Variants in PPARGC1A observed in about 807,000 individuals in gnomAD.
PPARGC1A encodes peroxisome proliferator-activated receptor gamma coactivator 1-alpha.
PPARGC1A carries 25 observed loss-of-function variants against 88.7 expected under a neutral mutation model. That is an observed-to-expected ratio of 0.28 (90% CI 0.21 to 0.39). The LOEUF (loss-of-function observed/expected upper bound fraction) is 0.39. PPARGC1A is among the 10% of genes least tolerant of loss of function. The pLI is 1.00. For missense variants in PPARGC1A, 880 were observed against 968.7 expected (o/e 0.91, Z 1.22); for synonymous variants, 363 against 355.6 (o/e 1.02, Z -0.24).
chr4:24,339,872 G>A, the PPARGC1A span, among the ~76,000 whole-genome samples: 1 of 151,870 alleles, frequency 6.6e-6, no homozygotes, highest in African/African-American at 2.4e-5. Context: ...CCGAGTAGCT[G>A]GGACTACAGG....
chr4:24,182,881 T>A, the PPARGC1A span, among the ~76,000 whole-genome samples: 1 of 152,176 alleles, frequency 6.6e-6, no homozygotes. Context: ...TATTTATGAA[T>A]GCCTACAACA....
chr4:23,980,390 C>A, the PPARGC1A span, among the ~76,000 whole-genome samples: 1 of 152,082 alleles, frequency 6.6e-6, no homozygotes, highest in African/African-American at 2.4e-5. Context: ...TTAATTCCTG[C>A]TTTCCCCTAG....
At chr4:23,825,375 T>A (rs776780717) in intron 5 of PPARGC1A, 1 of 152,120 alleles carries the variant, frequency 6.6e-6, no homozygotes, top group Non-Finnish European at 1.5e-5. Context: ...TTTATGTCAA[T>A]TTTTTCTCAT....
At chr4:24,320,731 A>G in the PPARGC1A span, among the ~76,000 whole-genome samples, 1 of 152,208 alleles carries the variant, frequency 6.6e-6, no homozygotes, top group East Asian at 1.9e-4. Flanking sequence ...CAAAAGCTTT[A>G]CATAAAAACA....
the PPARGC1A span, among the ~76,000 whole-genome samples, chr4:24,388,270 A>T: frequency 1.3e-5 from 2 of 152,242 alleles, no homozygotes; most frequent in Admixed American, 6.5e-5. Context: ...CCATAATAAG[A>T]TACCATCTCA....
intron 2 of PPARGC1A, among the ~76,000 whole-genome samples, chr4:23,836,572 A>C (rs1726053650): frequency 6.6e-6 from 1 of 152,230 alleles, no homozygotes; most frequent in Admixed American, 6.5e-5. Context: ...TGTCGTTAAT[A>C]AATGATAGTT....
chr4:23,905,132 G>A (rs1250843184), upstream of PPARGC1A, among the ~76,000 whole-genome samples: 1 of 152,154 alleles, frequency 6.6e-6, no homozygotes, highest in Admixed American at 6.5e-5. Flanking sequence ...AGTATGTAAA[G>A]AGCAGCTTCC....
At chr4:24,220,837 TA>T in the PPARGC1A span, among the ~76,000 whole-genome samples, 1 of 152,214 alleles carries the variant, frequency 6.6e-6, no homozygotes, top group Non-Finnish European at 1.5e-5. Flanking sequence ...TATACCCATT[TA>T]ACAAACCTTC....
At chr4:24,043,470 G>A in the PPARGC1A span, among the ~76,000 whole-genome samples, 1 of 152,046 alleles carries the variant, frequency 6.6e-6, no homozygotes, top group East Asian at 1.9e-4. Context: ...TGGGTTCCAG[G>A]TGAATTACAT....
chr4:23,993,162 A>C, the PPARGC1A span, among the ~76,000 whole-genome samples: 62 of 152,288 alleles, frequency 4.1e-4, no homozygotes, highest in Admixed American at 4.0e-3. Context: ...GCTATATTCT[A>C]TGTCACCTCA....
chr4:23,887,865 G>A (rs1717169298), intron 1 of PPARGC1A, among the ~76,000 whole-genome samples: 1 of 151,960 alleles, frequency 6.6e-6, no homozygotes, highest in South Asian at 2.1e-4. Context: ...GGAGAGAGGG[G>A]CAGTAAAGAA....
the PPARGC1A span, among the ~76,000 whole-genome samples, chr4:24,434,956 C>T: frequency 5.9e-3 from 894 of 152,268 alleles, 8 homozygotes; most frequent in African/African-American, 0.02. Context: ...AGCTCAGGAC[C>T]TTTTCTTGCT....
At chr4:24,169,920 C>T in the PPARGC1A span, among the ~76,000 whole-genome samples, 7 of 152,284 alleles carry the variant, frequency 4.6e-5, no homozygotes, top group East Asian at 1.4e-3. Context: ...GAGCCTTAAT[C>T]CAAGGTAAAC....
chr4:24,241,420 C>A, the PPARGC1A span, among the ~76,000 whole-genome samples: 1,280 of 152,330 alleles, frequency 8.4e-3, 27 homozygotes, highest in African/African-American at 0.029. Context: ...CCCCTTCCCC[C>A]AGTTGTTCCA....
chr4:24,281,897 C>G, the PPARGC1A span, among the ~76,000 whole-genome samples: 1 of 152,150 alleles, frequency 6.6e-6, no homozygotes, highest in Admixed American at 6.5e-5. Context: ...CCACAGCAAG[C>G]CTATAAGGCA....
At chr4:24,393,127 A>C in the PPARGC1A span, among the ~76,000 whole-genome samples, 150,196 of 152,114 alleles carry the variant, frequency 0.99, 74,171 homozygotes, top group East Asian at 1. Context: ...GATTCTACAA[A>C]CTTCCTGGCA....
the PPARGC1A span, among the ~76,000 whole-genome samples, chr4:24,159,580 T>C: frequency 2.0e-5 from 3 of 152,230 alleles, no homozygotes; most frequent in East Asian, 5.8e-4. Flanking sequence ...CAGATCTATC[T>C]GACCTCCAAA....
the PPARGC1A span, among the ~76,000 whole-genome samples, chr4:24,441,767 G>A: frequency 3.0e-4 from 45 of 152,262 alleles, no homozygotes; most frequent in South Asian, 8.3e-4. Context: ...AAGAAAGGAA[G>A]GAGAAAGAAG....
At chr4:24,047,273 A>G in the PPARGC1A span, among the ~76,000 whole-genome samples, 1 of 152,148 alleles carries the variant, frequency 6.6e-6, no homozygotes, top group African/African-American at 2.4e-5. Flanking sequence ...TGCTTGACAT[A>G]TTATGTATTT....
Sources: gnomAD v4.1 joint callset for allele counts (sites outside exome capture counted in the v4.1 genomes callset) on GRCh38, gnomAD v4.1.1 for gene constraint, MANE v1.5 for transcripts, NCBI Gene and HGNC (gene_info 2026-07-23, HGNC 2026-07-21) for gene names.